The following SUSD6 variants were observed in gnomAD, a reference collection of about 807,000 sequenced individuals.
The protein encoded by SUSD6 is sushi domain containing 6.
Under a neutral mutation model 28.4 loss-of-function variants are expected in SUSD6, and 16 were observed. The ratio of observed to expected loss-of-function variants is 0.56; its 90% CI spans 0.38 to 0.86. The LOEUF (loss-of-function observed/expected upper bound fraction) is 0.86. SUSD6 is among the 40% of genes least tolerant of loss of function. The pLI is 0.00. For synonymous variants in SUSD6, 147 were observed against 159.6 expected (o/e 0.92, Z 0.59); for missense variants, 341 against 384.2 (o/e 0.89, Z 0.94).
intron 2 of SUSD6, among the ~76,000 whole-genome samples, chr14:69,696,307 T>C (rs1055205151): frequency 2.0e-5 from 3 of 152,248 alleles, no homozygotes; most frequent in Non-Finnish European, 4.4e-5. Context: ...ACCTGCTTCA[T>C]GTAGAGAGAG....
At chr14:69,682,761 G>C (rs145637196) in intron 2 of SUSD6, among the ~76,000 whole-genome samples, 438 of 152,278 alleles carry the variant, frequency 2.9e-3, no homozygotes, top group African/African-American at 0.01. Context: ...ATCAGATGAA[G>C]TGTTTGGTTG....
At chr14:69,654,790 G>T (rs149877776) in intron 1 of SUSD6, among the ~76,000 whole-genome samples, 1,070 of 98,916 alleles carry the variant, frequency 0.011, 7 homozygotes, top group Middle Eastern at 0.03. Context: ...TTTTTTTTTT[G>T]GTGTGTGTGT....
At chr14:69,626,754 A>C (rs980147322) in intron 1 of SUSD6, among the ~76,000 whole-genome samples, 3 of 151,902 alleles carry the variant, frequency 2.0e-5, no homozygotes, top group Non-Finnish European at 4.4e-5. Flanking sequence ...ATCATAGCTC[A>C]CTATAGCTTC....
rs780496204 is a variant in SUSD6 at position 69,703,589 on chromosome 14, G to A, written c.316G>A (p.Glu106Lys). The A allele has an allele frequency of 8.1e-6, 13 of 1,613,928 alleles. No individual in the cohort carries two copies. The highest frequency in any genetic ancestry group is 1.0e-5 in the Non-Finnish European group (12 of 1,179,932). ...PAMEISCRLN[E>K]DKDTHTSLGV... Reference sequence around the variant, plus strand: ...CATGGAGATTAGCTGCCGTCTCAACGAGGGTCAGTCTGGCAGATGAAAAAG... The same window carrying A: ...CATGGAGATTAGCTGCCGTCTCAACAAGGGTCAGTCTGGCAGATGAAAAAG... The change falls in exon 3 of 6, where the codon GAG (glutamate) becomes AAG (lysine). Residue 106 changes from glutamate (E) to lysine (K), a missense_variant. Coordinates refer to ENST00000342745, the MANE Select transcript of SUSD6 (RefSeq NM_014734.4).
chr14:69,639,148 G>T (rs1404102144), intron 1 of SUSD6, among the ~76,000 whole-genome samples: 1 of 151,922 alleles, frequency 6.6e-6, no homozygotes, highest in Non-Finnish European at 1.5e-5. Context: ...CTAACACGGT[G>T]AAACCCCGTC....
intron 2 of SUSD6, among the ~76,000 whole-genome samples, chr14:69,676,340 C>T (rs1885908573): frequency 6.6e-6 from 1 of 151,532 alleles, no homozygotes; most frequent in Admixed American, 6.6e-5. Flanking sequence ...AACCAGTATC[C>T]TCTGGGGTGA....
chr14:69,617,393 A>G (rs1884974581), intron 1 of SUSD6: 1 of 152,190 alleles, frequency 6.6e-6, no homozygotes, highest in Non-Finnish European at 1.5e-5. Flanking sequence ...TGTTTTAGTA[A>G]ACTCTTGATC....
At chr14:69,644,679 C>T (rs984913277) in intron 1 of SUSD6, among the ~76,000 whole-genome samples, 2 of 152,076 alleles carry the variant, frequency 1.3e-5, no homozygotes, top group Admixed American at 1.3e-4. Context: ...AGGACGTGTC[C>T]TCATCTGATT....
At chr14:69,708,633 T>C (rs373376292) in intron 4 of SUSD6, 44 bp from the exon 5 acceptor site, 8 of 1,442,906 alleles carry the variant, frequency 5.5e-6, no homozygotes, top group African/African-American at 1.4e-5. Flanking sequence ...TTTCTCTGTG[T>C]GTTTATTCTA....
intron 2 of SUSD6, among the ~76,000 whole-genome samples, chr14:69,696,322 C>T (rs895286890): frequency 1.3e-5 from 2 of 152,180 alleles, no homozygotes; most frequent in Non-Finnish European, 2.9e-5. Flanking sequence ...AGAGAGAACC[C>T]AGAAGAGTAC....
rs1886517960 is a variant in SUSD6, at chr14:69,714,501, G to A, written c.*3522G>A. The A allele has an allele frequency of 6.6e-6, 1 of 152,216 alleles. No individual in the cohort carries two copies. The highest frequency in any genetic ancestry group is 2.4e-5 in the African/African-American group (1 of 41,434). The allele number at this position is 152,216 out of a possible 1,614,324, so 9.4% of individuals were successfully genotyped here. ...TGCAGGCTTCACAGCTTAATGCCAA[G>A]GACAGCGAGTGAGGCTGGGAGCTTC... is the stretch of plus-strand genomic sequence containing the variant. On this transcript the variant is annotated 3_prime_UTR_variant, in exon 6 of 6. Coordinates refer to ENST00000342745, the MANE Select transcript of SUSD6 (RefSeq NM_014734.4).
At chr14:69,684,753 A>G (rs1010206791) in intron 2 of SUSD6, among the ~76,000 whole-genome samples, 2 of 152,190 alleles carry the variant, frequency 1.3e-5, no homozygotes, top group Non-Finnish European at 2.9e-5. Flanking sequence ...CCGAGGCTCC[A>G]CTGTTAGCCT....
chr14:69,676,096 C>T (rs140573261), intron 2 of SUSD6, among the ~76,000 whole-genome samples: 72 of 152,284 alleles, frequency 4.7e-4, no homozygotes, highest in Non-Finnish European at 6.2e-4. Flanking sequence ...GACAATTCAT[C>T]TTAGTTGCCC....
At chr14:69,641,805 A>G (rs190855484) in intron 1 of SUSD6, among the ~76,000 whole-genome samples, 10 of 151,266 alleles carry the variant, frequency 6.6e-5, no homozygotes, top group South Asian at 4.2e-4. Flanking sequence ...GGGTCTCCCT[A>G]TGTTGCCCAG....
At chr14:69,637,614 A>C (rs971162209) in intron 1 of SUSD6, among the ~76,000 whole-genome samples, 1 of 152,108 alleles carries the variant, frequency 6.6e-6, no homozygotes, top group African/African-American at 2.4e-5. Flanking sequence ...ATTGTGGCAA[A>C]GCATTGGGTG....
intron 2 of SUSD6, among the ~76,000 whole-genome samples, chr14:69,694,772 A>G (rs969926896): frequency 6.6e-6 from 1 of 152,208 alleles, no homozygotes; most frequent in Middle Eastern, 3.4e-3. Context: ...TCTGGCTGGC[A>G]TTTTCCCTCT....
At chr14:69,649,343 A>G (rs1885471346) in intron 1 of SUSD6, among the ~76,000 whole-genome samples, 1 of 152,156 alleles carries the variant, frequency 6.6e-6, no homozygotes, top group African/African-American at 2.4e-5. Context: ...TTTATTTGCC[A>G]ACTGGGTATT....
chr14:69,666,136 G>C (rs1885736117), intron 2 of SUSD6, among the ~76,000 whole-genome samples: 2 of 152,154 alleles, frequency 1.3e-5, no homozygotes, highest in African/African-American at 4.8e-5. Context: ...AATCAATTCA[G>C]TGCATACTGA....
At chr14:69,663,289 G>T (rs1885689386) in intron 2 of SUSD6, among the ~76,000 whole-genome samples, 1 of 152,024 alleles carries the variant, frequency 6.6e-6, no homozygotes, top group South Asian at 2.1e-4. Flanking sequence ...TTAAAATGTT[G>T]CCATGACATG....
Sources: gnomAD v4.1 joint callset for allele counts (sites outside exome capture counted in the v4.1 genomes callset) on GRCh38, gnomAD v4.1.1 for gene constraint, MANE v1.5 for transcripts, NCBI Gene and HGNC (gene_info 2026-07-23, HGNC 2026-07-21) for gene names.